TASP1: variants seen among roughly 807,000 people sequenced by gnomAD.
The protein encoded by TASP1 is taspase 1, also known as threonine aspartase 1.
Under a neutral mutation model 56.6 loss-of-function variants are expected in TASP1, and 16 were observed. That is an observed-to-expected ratio of 0.28 (90% CI 0.19 to 0.43). The LOEUF (loss-of-function observed/expected upper bound fraction) is 0.43, where lower values mean the gene tolerates loss of function less well. Ranked by LOEUF, TASP1 falls within the 20% of genes least tolerant of loss-of-function variation. The pLI, the probability that TASP1 is intolerant of heterozygous loss-of-function variation, is 1.00. For missense variants in TASP1, 393 were observed against 511.6 expected (o/e 0.77, Z 2.24); for synonymous variants, 179 against 184.2 (o/e 0.97, Z 0.23).
the TASP1 span, among the ~76,000 whole-genome samples, chr20:13,178,218 C>G: frequency 2.0e-5 from 3 of 152,034 alleles, no homozygotes; most frequent in Non-Finnish European, 4.4e-5. Flanking sequence ...TATCTCACCC[C>G]AGTTAAGATG....
At chr20:13,469,542 T>G (rs1267414118) in intron 11 of TASP1, among the ~76,000 whole-genome samples, 1 of 152,138 alleles carries the variant, frequency 6.6e-6, no homozygotes, top group African/African-American at 2.4e-5. Context: ...TTTTTCTTTT[T>G]CCTATTTGTA....
intron 7 of TASP1, among the ~76,000 whole-genome samples, chr20:13,566,735 T>C (rs575058724): frequency 3.2e-4 from 48 of 152,254 alleles, no homozygotes; most frequent in Middle Eastern, 3.4e-3. Context: ...AATGAGATAC[T>C]ATCTCACACC....
At chr20:13,534,193 T>C in intron 8 of TASP1, 52 bp from the exon 9 acceptor site, 1 of 1,603,688 alleles carries the variant, frequency 6.2e-7, no homozygotes, top group Non-Finnish European at 8.5e-7. Flanking sequence ...TGGGACAATC[T>C]GATATGACTA....
chr20:13,435,038 A>C lies in TASP1; in HGVS notation c.1096+6T>G. The C allele has an allele frequency of 1.9e-6, 3 of 1,596,954 alleles. No homozygotes were observed. Among genetic ancestry groups the C allele is most frequent in the Non-Finnish European group, 1.7e-6 (2 of 1,169,106 alleles). ...AAGACACACACAATGTATATGTCTC[A>C]CTTACCTAGAAGTGTCTGCTTATTT... On this transcript the variant is annotated splice_donor_region_variant and intron_variant, in intron 12 of 13. Coordinates refer to ENST00000337743, the MANE Select transcript of TASP1 (RefSeq NM_017714.3).
rs147678883 is a variant in TASP1 at position 13,629,225 on chromosome 20, G to A, written c.145+709C>T. Among the ~76,000 whole-genome samples, 638 of 152,008 alleles carry A rather than the reference G, an allele frequency of 4.2e-3. 4 individuals carry two copies. Among genetic ancestry groups the A allele is most frequent in the African/African-American group, 0.015 (607 of 41,484 alleles). On this transcript the variant is annotated intron_variant, in intron 2 of 13. Coordinates refer to ENST00000337743, the MANE Select transcript of TASP1 (RefSeq NM_017714.3). ...CTAAAAATACAAAAATTAGCCAGACGTGATGGTGGACGTCTGTAATCCCAG... is the reference window on the plus strand; with the variant it reads ...CTAAAAATACAAAAATTAGCCAGACATGATGGTGGACGTCTGTAATCCCAG...
rs112168352 is a variant in TASP1 at position 13,559,057 on chromosome 20, A to G, written c.626T>C (p.Val209Ala). 3.8e-6 allele frequency: 6 copies of G among 1,597,202 alleles called. No homozygotes were observed. Among genetic ancestry groups the G allele is most frequent in the South Asian group, 1.1e-5 (1 of 87,860 alleles). The change falls in exon 8 of 14, where the codon GTG becomes GCG. Residue 209 changes from valine to alanine, a missense_variant. Coordinates refer to ENST00000337743, the MANE Select transcript of TASP1 (RefSeq NM_017714.3). ...CTTTAGTTGCATAAAATCTGTGTCC[A>G]CCCTTTCTGCCAGCTCTAGTTTCCT... ...NKRKLELAERVDTDFMQLKKR... is the reference protein window; with the variant it reads ...NKRKLELAERADTDFMQLKKR...
At chr20:13,328,057 C>T in the TASP1 span, among the ~76,000 whole-genome samples, 8 of 152,010 alleles carry the variant, frequency 5.3e-5, no homozygotes, top group African/African-American at 1.7e-4. Flanking sequence ...AATCTATCCA[C>T]CTGACAAAGG....
intron 11 of TASP1, among the ~76,000 whole-genome samples, chr20:13,447,680 C>A (rs937582126): frequency 2.6e-5 from 4 of 152,070 alleles, no homozygotes; most frequent in African/African-American, 9.7e-5. Flanking sequence ...AGCCTGTGTG[C>A]CAGGCTGAAA....
chr20:13,344,789 C>G, the TASP1 span, among the ~76,000 whole-genome samples: 2 of 152,236 alleles, frequency 1.3e-5, no homozygotes, highest in African/African-American at 4.8e-5. Flanking sequence ...TCGCGCCTCT[C>G]CATCTGTGTG....
the TASP1 span, among the ~76,000 whole-genome samples, chr20:13,174,126 T>C: frequency 1.3e-5 from 2 of 152,210 alleles, no homozygotes; most frequent in Non-Finnish European, 2.9e-5. Flanking sequence ...ATGTGAATGA[T>C]GTGAAAATGA....
At chr20:13,590,663 C>T (rs6109966) in intron 4 of TASP1, among the ~76,000 whole-genome samples, 12,789 of 152,018 alleles carry the variant, frequency 0.084, 758 homozygotes, top group African/African-American at 0.16. Flanking sequence ...GTCAGGCATT[C>T]GAGACCAGCC....
the TASP1 span, among the ~76,000 whole-genome samples, chr20:13,153,655 A>G: frequency 2.6e-5 from 4 of 152,262 alleles, no homozygotes; most frequent in East Asian, 7.7e-4. Flanking sequence ...GTTCCTTCTT[A>G]TCACACTCCC....
chr20:13,332,694 G>A, the TASP1 span, among the ~76,000 whole-genome samples: 3 of 152,194 alleles, frequency 2.0e-5, no homozygotes, highest in Non-Finnish European at 4.4e-5. Context: ...GAAAAGAAAA[G>A]AAAATATAGA....
At chr20:13,293,202 C>T in the TASP1 span, among the ~76,000 whole-genome samples, 12 of 133,732 alleles carry the variant, frequency 9.0e-5, no homozygotes, top group Non-Finnish European at 1.4e-4. Context: ...AGCGAGACTC[C>T]GTCTCAAAAA....
At chr20:13,261,666 C>T in the TASP1 span, among the ~76,000 whole-genome samples, 1 of 152,142 alleles carries the variant, frequency 6.6e-6, no homozygotes, top group Non-Finnish European at 1.5e-5. Context: ...TTCAGGATTC[C>T]AAGGTTAACG....
chr20:13,117,425 C>T, the TASP1 span: 1 of 1,335,514 alleles, frequency 7.5e-7, no homozygotes, highest in Non-Finnish European at 1.0e-6. Flanking sequence ...GGAAGACTGT[C>T]TAGGATGTAT....
the TASP1 span, among the ~76,000 whole-genome samples, chr20:13,152,142 A>C: frequency 2.0e-5 from 3 of 152,146 alleles, no homozygotes; most frequent in Non-Finnish European, 4.4e-5. Flanking sequence ...CTAGAATCCA[A>C]TTCTGGCTTG....
At chr20:13,120,746 C>A in the TASP1 span, among the ~76,000 whole-genome samples, 1 of 152,162 alleles carries the variant, frequency 6.6e-6, no homozygotes, top group South Asian at 2.1e-4. Context: ...TATCTCAGAG[C>A]CTTTTCCTCA....
intron 10 of TASP1, among the ~76,000 whole-genome samples, chr20:13,522,132 A>C (rs1224842003): frequency 6.6e-6 from 1 of 152,188 alleles, no homozygotes; most frequent in Non-Finnish European, 1.5e-5. Context: ...AGAGAAGAAA[A>C]GCAAGAGGTT....
Sources: gnomAD v4.1 joint callset for allele counts (sites outside exome capture counted in the v4.1 genomes callset) on GRCh38, gnomAD v4.1.1 for gene constraint, MANE v1.5 for transcripts, NCBI Gene and HGNC (gene_info 2026-07-23, HGNC 2026-07-21) for gene names.